Variants in RARB observed in about 807,000 individuals in gnomAD.
The protein encoded by RARB is retinoic acid receptor beta.
In RARB, 17 loss-of-function variants were observed where a neutral mutation model predicts 51.9. The ratio of observed to expected loss-of-function variants is 0.33; its 90% CI spans 0.22 to 0.49. RARB has a LOEUF of 0.49. Among genes scored for constraint, RARB ranks in the 20% least tolerant of loss-of-function variants. The pLI is 0.99. For missense variants in RARB, 369 were observed against 550.8 expected (o/e 0.67, Z 3.30); for synonymous variants, 215 against 195.4 (o/e 1.10, Z -0.84).
At position 24,991,761 on chromosome 3, in the gene RARB, G is replaced by GT. The variant is rs77706052; in HGVS notation, c.-379-68352dup. 3.0e-3 allele frequency among the ~76,000 whole-genome samples: 423 copies of GT among 143,284 alleles called. 1 individual carries two copies. The highest frequency in any genetic ancestry group is 5.0e-3 in the Admixed American group (71 of 14,342). The allele number at this position is 143,284 out of a possible 152,430, so 94.0% of individuals were successfully genotyped here. A position where few individuals can be genotyped will look rare whatever the true frequency, so the allele number is the denominator to read the frequency against. ...GCATCTGCTGAGCCATATGGAGGGT[G>GT]TTTTTTTTTTTTCCCTCCCTGCTCC... On this transcript the variant is annotated intron_variant, in intron 2 of 11. Transcript: ENST00000383772.
At chr3:25,559,789 G>A (rs530796022) in intron 3 of RARB, among the ~76,000 whole-genome samples, 23 of 152,280 alleles carry the variant, frequency 1.5e-4, no homozygotes, top group African/African-American at 5.1e-4. Context: ...TGGACAGATG[G>A]ACAAATGGAT....
intron 1 of RARB, among the ~76,000 whole-genome samples, chr3:25,446,656 A>G (rs1708950489): frequency 6.6e-6 from 1 of 151,648 alleles, no homozygotes. Context: ...ACAAAAAATT[A>G]GCCGGGCGTG....
intron 3 of RARB, among the ~76,000 whole-genome samples, chr3:25,086,537 G>A (rs560969913): frequency 7.9e-5 from 12 of 152,270 alleles, no homozygotes; most frequent in South Asian, 4.1e-4. Context: ...ATGAGTGACC[G>A]TGGCTGGTGA....
At chr3:25,154,101 TAAG>T (rs1263831917) in intron 4 of RARB, among the ~76,000 whole-genome samples, 1 of 152,274 alleles carries the variant, frequency 6.6e-6, no homozygotes, top group African/African-American at 2.4e-5. Flanking sequence ...TGTGGATTTT[TAAG>T]AAGCCAGCTA....
intron 5 of RARB, among the ~76,000 whole-genome samples, chr3:25,325,740 A>G (rs987407881): frequency 7.0e-6 from 1 of 142,884 alleles, no homozygotes; most frequent in Non-Finnish European, 1.5e-5. Context: ...TTTCCTGGTC[A>G]TGGCCACTTG....
chr3:24,952,827 T>A lies in RARB; in HGVS notation c.-380+94075T>A, dbSNP rs372416976. Among the ~76,000 whole-genome samples the A allele has an allele frequency of 2.1e-4, 32 of 152,254 alleles. 1 individual carries two copies. The South Asian group carries it at 6.0e-3, about 29-fold the overall frequency. On this transcript the variant is annotated intron_variant, in intron 2 of 11. Coordinates refer to the RARB transcript ENST00000383772. ...AAATTGTCTATGTAACTCATTGAAT[T>A]TAAGGTTGTTACCTTAAAAGGTAAC...
intron 5 of RARB, among the ~76,000 whole-genome samples, chr3:25,185,890 T>A (rs1433736606): frequency 6.6e-6 from 1 of 152,142 alleles, no homozygotes; most frequent in Non-Finnish European, 1.5e-5. Flanking sequence ...AATAGAATTA[T>A]ATATAAATTG....
intron 5 of RARB, among the ~76,000 whole-genome samples, chr3:25,329,254 C>A (rs4681046): frequency 0.018 from 2,674 of 152,288 alleles, 256 homozygotes; most frequent in Admixed American, 0.16. Flanking sequence ...CCCGAGTAGC[C>A]TAACGGGGAG....
intron 5 of RARB, among the ~76,000 whole-genome samples, chr3:25,399,062 C>G (rs930380674): frequency 9.2e-5 from 14 of 152,294 alleles, no homozygotes; most frequent in African/African-American, 3.1e-4. Flanking sequence ...TCTTTTCACT[C>G]TACCATCCTG....
intron 5 of RARB, among the ~76,000 whole-genome samples, chr3:25,359,769 A>G (rs911425167): frequency 1.3e-5 from 2 of 152,116 alleles, no homozygotes; most frequent in Admixed American, 1.3e-4. Flanking sequence ...TTCAGTTTCC[A>G]TGTTGTTATG....
intron 1 of RARB, among the ~76,000 whole-genome samples, chr3:24,830,286 C>T (rs373969306): frequency 7.4e-6 from 1 of 135,278 alleles, no homozygotes; most frequent in African/African-American, 2.8e-5. Context: ...TTTTCTCCCT[C>T]CAGATATTTT....
At chr3:24,868,288 T>A (rs1344408284) in intron 2 of RARB, among the ~76,000 whole-genome samples, 1 of 152,106 alleles carries the variant, frequency 6.6e-6, no homozygotes, top group African/African-American at 2.4e-5. Context: ...ACAACAAGAA[T>A]AGAAGGCACC....
At chr3:25,497,010 G>A (rs1001814776) in intron 2 of RARB, among the ~76,000 whole-genome samples, 1 of 152,080 alleles carries the variant, frequency 6.6e-6, no homozygotes, top group Non-Finnish European at 1.5e-5. Flanking sequence ...TCAGCCTCCC[G>A]AGTAGCTGGA....
intron 5 of RARB, chr3:25,259,856 A>C: frequency 1.0e-6 from 1 of 962,938 alleles, no homozygotes; most frequent in Non-Finnish European, 1.2e-6. Context: ...ATTGCTTCCC[A>C]AATAAGTCAA....
chr3:25,415,224 T>C (rs757991924), intron 5 of RARB, among the ~76,000 whole-genome samples: 1 of 148,980 alleles, frequency 6.7e-6, no homozygotes, highest in African/African-American at 2.6e-5. Flanking sequence ...AATTATTTTG[T>C]TTTTTTTATG....
chr3:25,237,511 A>T (rs537111262), intron 5 of RARB, among the ~76,000 whole-genome samples: 42 of 152,214 alleles, frequency 2.8e-4, no homozygotes, highest in East Asian at 2.3e-3. Context: ...TTTGTTTTTT[A>T]AAAAAGCCAC....
At chr3:24,835,507 C>G (rs994092014) in intron 1 of RARB, among the ~76,000 whole-genome samples, 1 of 152,158 alleles carries the variant, frequency 6.6e-6, no homozygotes, top group African/African-American at 2.4e-5. Context: ...GTGCCAGACT[C>G]TGTACTAAAA....
chr3:25,238,642 T>C (rs1702359407), intron 5 of RARB, among the ~76,000 whole-genome samples: 2 of 152,224 alleles, frequency 1.3e-5, no homozygotes, highest in South Asian at 2.1e-4. Flanking sequence ...ATAAGAATTC[T>C]CTTTTCCCTG....
chr3:24,860,023 T>C (rs975414518), intron 2 of RARB, among the ~76,000 whole-genome samples: 2 of 152,244 alleles, frequency 1.3e-5, no homozygotes, highest in Admixed American at 6.5e-5. Context: ...TTTGCTGACC[T>C]ACCTTTACAT....
Sources: gnomAD v4.1 joint callset for allele counts (sites outside exome capture counted in the v4.1 genomes callset) on GRCh38, gnomAD v4.1.1 for gene constraint, MANE v1.5 for transcripts, NCBI Gene and HGNC (gene_info 2026-07-23, HGNC 2026-07-21) for gene names.